The following DGKK variants were observed in gnomAD, a reference collection of about 807,000 sequenced individuals.
DGKK encodes the protein diacylglycerol kinase kappa.
DGKK carries 35 observed loss-of-function variants against 92.2 expected under a neutral mutation model. That is an observed-to-expected ratio of 0.38 (90% confidence interval 0.29 to 0.50). The LOEUF (loss-of-function observed/expected upper bound fraction) is 0.50, where lower values mean the gene tolerates loss of function less well. Ranked by LOEUF, DGKK falls within the 20% of genes least tolerant of loss-of-function variation. DGKK has a pLI of 0.92. For missense variants in DGKK, 910 were observed against 992.2 expected, an observed-to-expected ratio of 0.92 and a Z score of 1.11; for synonymous variants, 368 against 360.6, an observed-to-expected ratio of 1.02 and a Z score of -0.23.
intron 1 of DGKK, among the ~76,000 whole-genome samples, chrX:50,435,102 A>T (rs1557230648): frequency 8.9e-6 from 1 of 112,396 alleles, no homozygotes; most frequent in Admixed American, 9.4e-5. Context: ...GTGTATGTAA[A>T]CATAGAAAAG....
At chrX:50,412,738 G>A (rs998520644) in intron 4 of DGKK, among the ~76,000 whole-genome samples, 13 of 112,274 alleles carry the variant, frequency 1.2e-4, no homozygotes, top group Non-Finnish European at 2.3e-4. Flanking sequence ...TTTTGACAAA[G>A]TTTCCAAAAA....
chrX:50,470,391 T>C lies in DGKK; in HGVS notation c.288A>G (p.Glu96=), dbSNP rs782670354. The change falls in exon 1 of 28, where the codon GAA becomes GAG. Residue 96 remains glutamate (E), a synonymous_variant. Coordinates refer to ENST00000611977, the MANE Select transcript of DGKK (RefSeq NM_001013742.4). ...ATEPASEPAP[E]PATEPAPEPA... The stretch of plus-strand genomic sequence containing the variant: ...GTTCTGGGGCCGGCTCTGTGGCAGG[T>C]TCTGGGGCCGGTTCTGAGGCCGGCT... The C allele has an allele frequency of 2.1e-5, 25 of 1,202,640 alleles. No individual in the cohort carries two copies. Among genetic ancestry groups the C allele is most frequent in the Middle Eastern group, 2.5e-4 (1 of 4,077 alleles).
At chrX:50,372,674 T>C (rs1924171544) in intron 25 of DGKK, among the ~76,000 whole-genome samples, 1 of 112,072 alleles carries the variant, frequency 8.9e-6, no homozygotes, top group African/African-American at 3.2e-5. Flanking sequence ...AGATGAACTT[T>C]GTACAGTCCA....
intron 14 of DGKK, 105 bp from the exon 15 acceptor site, chrX:50,386,691 G>T: frequency 3.1e-6 from 2 of 648,698 alleles, no homozygotes; most frequent in Non-Finnish European, 4.6e-6. Flanking sequence ...AGGGGTAAGA[G>T]TTGTCCATAA....
At chrX:50,425,542 TAC>T (rs782565110) in intron 1 of DGKK, among the ~76,000 whole-genome samples, 24 of 104,090 alleles carry the variant, frequency 2.3e-4, no homozygotes, top group Non-Finnish European at 2.7e-4. Flanking sequence ...CACACACACA[TAC>T]ACACACACAC....
rs145774218 is a variant in DGKK at position 50,399,555 on chromosome X, G to C, written c.1411+1482C>G. 8.6e-3 allele frequency among the ~76,000 whole-genome samples: 961 copies of C among 111,940 alleles called. 6 individuals carry two copies. Among genetic ancestry groups the C allele is most frequent in the Middle Eastern group, 0.038 (8 of 212 alleles). The stretch of plus-strand genomic sequence containing the variant: ...GAGATGGACAAATTAGCAAATTAGA[G>C]AAATATAGATTAAAACATTCCAGGA... On this transcript the variant is annotated intron_variant, in intron 8 of 27. Coordinates refer to ENST00000611977, the MANE Select transcript of DGKK (RefSeq NM_001013742.4).
intron 8 of DGKK, 42 bp from the exon 9 acceptor site, chrX:50,393,377 C>A (rs1442684576): frequency 1.0e-5 from 11 of 1,079,801 alleles, no homozygotes; most frequent in African/African-American, 1.9e-5. Flanking sequence ...AAGAACGGAC[C>A]CGTTGAGATG....
intron 18 of DGKK, 109 bp from the exon 19 acceptor site, chrX:50,380,186 G>T: frequency 1.6e-6 from 1 of 624,496 alleles, no homozygotes; most frequent in Non-Finnish European, 2.5e-6. Flanking sequence ...TTCTTACAGA[G>T]AGGAGTCATG....
rs781802804 is a variant in DGKK at position 50,379,719 on chromosome X, T to C, written c.2770A>G (p.Ile924Val). Residue 924 changes from isoleucine to valine, a missense_variant, in exon 20 of 28, where the codon ATC (isoleucine) becomes GTC (valine). By Grantham distance (29) the Ile-to-Val change is conservative. Transcript: ENST00000611977. ...RVHLECDGET[I>V]SLPNLQGIVV... ...ATGCCTTGCAGGTTTGGCAAGGAGA[T>C]GGTTTCTCCATCACACTGAAAGAAA... 82 of 1,206,317 alleles carry C rather than the reference T, an allele frequency of 6.8e-5. No individual in the cohort carries two copies. Among genetic ancestry groups the C allele is most frequent in the Middle Eastern group, 2.3e-4 (1 of 4,285 alleles).
chrX:50,371,229 G>C (rs1171720058), intron 26 of DGKK, among the ~76,000 whole-genome samples: 1 of 111,970 alleles, frequency 8.9e-6, no homozygotes, highest in Non-Finnish European at 1.9e-5. Flanking sequence ...AGAAAACCCA[G>C]AGTGGGAGGG....
Position 50,431,600 on chromosome X carries a change from T to C in DGKK, c.646-7242A>G, listed in dbSNP as rs151026496. Among the ~76,000 whole-genome samples, 68 of 111,843 alleles carry C rather than the reference T, an allele frequency of 6.1e-4. 1 individual carries two copies. Among genetic ancestry groups the C allele is most frequent in the Non-Finnish European group, 1.1e-3 (56 of 53,204 alleles). ...CGGGCACAACTGAGAAGGCCAGCTT[T>C]CTGTCTATGACTCCTTCAGTCCAAA... On this transcript the variant is annotated intron_variant, in intron 1 of 27. Transcript: ENST00000611977.
At chrX:50,402,709 A>G (rs893983614) in intron 7 of DGKK, among the ~76,000 whole-genome samples, 5 of 111,922 alleles carry the variant, frequency 4.5e-5, no homozygotes, top group African/African-American at 1.6e-4. Flanking sequence ...AATAAAGGTT[A>G]CAAGTTCCTA....
chrX:50,368,773 A>C lies in DGKK; in HGVS notation c.*167T>G, dbSNP rs1557222747. On this transcript the variant is annotated 3_prime_UTR_variant, in exon 28 of 28. Coordinates refer to ENST00000611977, the MANE Select transcript of DGKK (RefSeq NM_001013742.4). ...GCCAATGAGGAAATGTAAACCTCTAAGGAGACCAGATTAAGTCCAGGAAAA... is the reference window on the plus strand; with the variant it reads ...GCCAATGAGGAAATGTAAACCTCTACGGAGACCAGATTAAGTCCAGGAAAA... The C allele has an allele frequency of 1.6e-5, 7 of 441,345 alleles. No individual in the cohort carries two copies. The highest frequency in any genetic ancestry group is 2.7e-5 in the Non-Finnish European group (7 of 260,046). The allele number at this position is 441,345 out of a possible 1,213,427, so 36.4% of individuals were successfully genotyped here.
At chrX:50,390,984 A>C (rs1924675518) in intron 11 of DGKK, among the ~76,000 whole-genome samples, 1 of 111,845 alleles carries the variant, frequency 8.9e-6, no homozygotes, top group South Asian at 3.8e-4. Context: ...ACTTTTCCCC[A>C]AGAGAGAATA....
intron 1 of DGKK, among the ~76,000 whole-genome samples, chrX:50,433,376 G>A (rs1925937574): frequency 8.9e-6 from 1 of 111,972 alleles, no homozygotes; most frequent in Non-Finnish European, 1.9e-5. Flanking sequence ...TCAGGCCACC[G>A]TATTTCAGTT....
rs781795515 is a variant in DGKK at position 50,384,178 on chromosome X, G to A, written c.2539C>T (p.Pro847Ser). The A allele has an allele frequency of 2.1e-5, 24 of 1,152,583 alleles. No individual in the cohort carries two copies. Among genetic ancestry groups the A allele is most frequent in the Non-Finnish European group, 2.7e-5 (23 of 856,389 alleles). The allele number at this position is 1,152,583 out of a possible 1,213,427, so 95.0% of individuals were successfully genotyped here. A position where few individuals can be genotyped will look rare whatever the true frequency, so the allele number is the denominator to read the frequency against. The change falls in exon 17 of 28, where the codon CCT becomes TCT. Residue 847 changes from proline (P) to serine (S), a missense_variant. Transcript: ENST00000611977. Reference sequence around the variant, plus strand: ...GAGTTAAATACTTACATAGATTCAGGTGTAAAATGTAAGTGATCCAAGTTA... The same window carrying A: ...GAGTTAAATACTTACATAGATTCAGATGTAAAATGTAAGTGATCCAAGTTA... ...NLNLDHLHFTPESIRFKEKCV... is the reference protein window; with the variant it reads ...NLNLDHLHFTSESIRFKEKCV...
chrX:50,373,055 C>T (rs782579160), intron 25 of DGKK, among the ~76,000 whole-genome samples: 5 of 111,652 alleles, frequency 4.5e-5, no homozygotes, highest in South Asian at 7.6e-4. Flanking sequence ...AAGTCAGTGC[C>T]GACAAATAAT....
rs1215227139 is a variant in DGKK, at chrX:50,390,354, C to G, written c.1900G>C (p.Val634Leu). The G allele has an allele frequency of 5.0e-6, 6 of 1,209,714 alleles. No individual in the cohort carries two copies. Among genetic ancestry groups the G allele is most frequent in the Non-Finnish European group, 6.7e-6 (6 of 894,816 alleles). Reference sequence around the variant, plus strand: ...TCAAATCGTGGTACATCCATTTCAACCTGTCCTTTTAGCAGCGGGGTTTGT... The same window carrying G: ...TCAAATCGTGGTACATCCATTTCAAGCTGTCCTTTTAGCAGCGGGGTTTGT... ...PRQTPLLKGQ[V>L]EMDVPRFEAA... is the part of the protein sequence containing the mutation. The change falls in exon 12 of 28, where the codon GTT becomes CTT. Residue 634 changes from valine to leucine, a missense_variant. By Grantham distance (32) the Val-to-Leu change is conservative. Transcript: ENST00000611977.
At chrX:50,378,549 T>A in intron 21 of DGKK, 29 bp downstream of exon 21, 1 of 1,148,041 alleles carries the variant, frequency 8.7e-7, no homozygotes, top group African/African-American at 1.8e-5. Flanking sequence ...CCTCAGCCCC[T>A]TCCCAGTGCC....
Sources: allele counts gnomAD v4.1 joint callset (sites outside exome capture counted in the v4.1 genomes callset), GRCh38; gene constraint gnomAD v4.1.1; transcripts MANE v1.5; gene names NCBI Gene and HGNC (gene_info 2026-07-23, HGNC 2026-07-21).